ACTR3C: variants seen among roughly 807,000 people sequenced by gnomAD.
ACTR3C encodes actin related protein 3C.
In ACTR3C, 18 loss-of-function variants were observed where a neutral mutation model predicts 26.3. The ratio of observed to expected loss-of-function variants is 0.68; its 90% CI spans 0.47 to 1.01. ACTR3C has a LOEUF of 1.01. ACTR3C is among the 50% of genes least tolerant of loss of function. ACTR3C has a pLI of 0.00. For synonymous variants in ACTR3C, 55 were observed against 94.5 expected (o/e 0.58, Z 2.42); for missense variants, 184 against 250.7 (o/e 0.73, Z 1.80).
At chr7:150,132,196 C>T in the ACTR3C span, among the ~76,000 whole-genome samples, 3 of 152,112 alleles carry the variant, frequency 2.0e-5, no homozygotes, top group Non-Finnish European at 4.4e-5. Context: ...TAGTGGTTTT[C>T]AGGAGCTAGG....
Position 150,272,436 on chromosome 7 carries a change from CAAGT to C in ACTR3C, c.564+12313_564+12316del, listed in dbSNP as rs991452815. Among the ~76,000 whole-genome samples the C allele has an allele frequency of 8.6e-5, 12 of 139,514 alleles. 3 individuals carry two copies. Among genetic ancestry groups the C allele is most frequent in the Admixed American group, 2.7e-4 (4 of 14,724 alleles). 91.5% of individuals were successfully genotyped at this position (139,514 alleles called of 152,430 possible). On this transcript the variant is annotated intron_variant, in intron 6 of 7. Coordinates refer to ENST00000683684, the MANE Select transcript of ACTR3C (RefSeq NM_001164458.2). ...TGTCTGAGCTTATTATTTTTCAACT[CAAGT>C]GACTATCCAGAACTACTATGATGGC...
chr7:149,983,532 C>CA, the ACTR3C span, among the ~76,000 whole-genome samples: 2 of 148,554 alleles, frequency 1.3e-5, no homozygotes, highest in African/African-American at 5.0e-5. Flanking sequence ...GGGGGGAATG[C>CA]AAAATGGTGT....
the ACTR3C span, among the ~76,000 whole-genome samples, chr7:149,938,843 G>A: frequency 2.7e-5 from 4 of 150,586 alleles, no homozygotes; most frequent in African/African-American, 9.7e-5. Flanking sequence ...GAAATTGGGT[G>A]AAAAGTAATA....
the ACTR3C span, among the ~76,000 whole-genome samples, chr7:150,049,962 G>C: frequency 6.6e-6 from 1 of 152,152 alleles, no homozygotes; most frequent in Non-Finnish European, 1.5e-5. Flanking sequence ...GTCTGGGGTG[G>C]GGAGAGCTTC....
the ACTR3C span, among the ~76,000 whole-genome samples, chr7:150,034,534 G>C: frequency 2.0e-5 from 3 of 151,532 alleles, no homozygotes; most frequent in Non-Finnish European, 4.4e-5. Context: ...GGGATCCACA[G>C]TCTACAAAAT....
At chr7:150,154,359 G>A in the ACTR3C span, among the ~76,000 whole-genome samples, 1 of 151,812 alleles carries the variant, frequency 6.6e-6, no homozygotes, top group South Asian at 2.1e-4. Context: ...ATAAATCTTT[G>A]TTTTGGTCTC....
chr7:150,127,914 C>T, the ACTR3C span, among the ~76,000 whole-genome samples: 2 of 151,624 alleles, frequency 1.3e-5, no homozygotes, highest in Non-Finnish European at 2.9e-5. Context: ...TAAATAAATT[C>T]CTAAATGTCT....
chr7:150,011,202 T>C, the ACTR3C span, among the ~76,000 whole-genome samples: 2 of 152,220 alleles, frequency 1.3e-5, no homozygotes, highest in African/African-American at 4.8e-5. Context: ...GAAATAATCA[T>C]AGAGAATTTA....
chr7:150,131,159 A>G, the ACTR3C span, among the ~76,000 whole-genome samples: 57 of 152,354 alleles, frequency 3.7e-4, no homozygotes, highest in African/African-American at 1.3e-3. Flanking sequence ...ACAAAAAAGT[A>G]TAGAAAAATT....
the ACTR3C span, among the ~76,000 whole-genome samples, chr7:150,112,080 T>C: frequency 2.0e-5 from 3 of 149,024 alleles, no homozygotes; most frequent in Non-Finnish European, 4.5e-5. Flanking sequence ...TTTTCATGAT[T>C]TCCTATCCAC....
chr7:150,217,213 G>A, the ACTR3C span, among the ~76,000 whole-genome samples: 3 of 149,406 alleles, frequency 2.0e-5, no homozygotes, highest in Admixed American at 2.0e-4. Context: ...CTTAGGCATG[G>A]AGGTTAAGCA....
chr7:150,196,054 G>A, the ACTR3C span, among the ~76,000 whole-genome samples: 1 of 152,202 alleles, frequency 6.6e-6, no homozygotes, highest in Non-Finnish European at 1.5e-5. Flanking sequence ...TGGTATGCTT[G>A]TGTGTCTGTG....
chr7:150,014,990 T>C, the ACTR3C span, among the ~76,000 whole-genome samples: 5 of 152,294 alleles, frequency 3.3e-5, no homozygotes, highest in Admixed American at 2.6e-4. Flanking sequence ...TAAATTAGGA[T>C]GTATGGAGAA....
chr7:149,900,992 C>G, the ACTR3C span, among the ~76,000 whole-genome samples: 1 of 152,176 alleles, frequency 6.6e-6, no homozygotes, highest in Non-Finnish European at 1.5e-5. Context: ...GACATCACAC[C>G]ACTGCACTCC....
the ACTR3C span, among the ~76,000 whole-genome samples, chr7:150,198,985 G>T: frequency 1.5e-5 from 2 of 133,574 alleles, no homozygotes; most frequent in Non-Finnish European, 3.1e-5. Flanking sequence ...GAGGTGGGGG[G>T]GGTCAGCCCC....
chr7:149,969,410 A>T, the ACTR3C span, among the ~76,000 whole-genome samples: 1 of 151,894 alleles, frequency 6.6e-6, no homozygotes, highest in African/African-American at 2.4e-5. Flanking sequence ...CCTGGGCTGG[A>T]CTACAGAGGC....
chr7:149,913,441 A>G, the ACTR3C span, among the ~76,000 whole-genome samples: 2 of 152,134 alleles, frequency 1.3e-5, no homozygotes, highest in South Asian at 4.2e-4. Flanking sequence ...TGTTCCTCAA[A>G]ATGTTTACCT....
chr7:150,167,074 G>T, the ACTR3C span, among the ~76,000 whole-genome samples: 1 of 144,728 alleles, frequency 6.9e-6, no homozygotes, highest in East Asian at 1.9e-4. Flanking sequence ...TGGACACTTA[G>T]GTTGATGCCA....
the ACTR3C span, among the ~76,000 whole-genome samples, chr7:150,034,897 G>T: frequency 6.3e-3 from 933 of 148,042 alleles, 28 homozygotes; most frequent in African/African-American, 0.022. Flanking sequence ...ACCTCGCGGG[G>T]GGTGCCTCCC....
Sources: allele counts gnomAD v4.1 joint callset (sites outside exome capture counted in the v4.1 genomes callset), GRCh38; gene constraint gnomAD v4.1.1; transcripts MANE v1.5; gene names NCBI Gene and HGNC (gene_info 2026-07-23, HGNC 2026-07-21).